Variants in PDE3A observed in about 807,000 individuals in gnomAD.
The protein encoded by PDE3A is phosphodiesterase 3A, also known as cGMP-inhibited 3',5'-cyclic phosphodiesterase 3A.
PDE3A carries 43 observed loss-of-function variants against 98.3 expected under a neutral mutation model. That is an observed-to-expected ratio of 0.44 (90% CI 0.34 to 0.56). The LOEUF is 0.56. Among genes scored for constraint, PDE3A ranks in the 20% least tolerant of loss-of-function variants. PDE3A has a pLI of 0.01. For missense variants in PDE3A, 1,427 were observed against 1,440.7 expected, an observed-to-expected ratio of 0.99 and a Z score of 0.15; for synonymous variants, 663 against 567.9, an observed-to-expected ratio of 1.17 and a Z score of -2.38.
intron 1 of PDE3A, among the ~76,000 whole-genome samples, chr12:20,499,524 A>G (rs1376081538): frequency 1.3e-5 from 2 of 152,200 alleles, no homozygotes; most frequent in Admixed American, 1.3e-4. Context: ...GTTAGTATTC[A>G]TATAATTAGA....
rs1017219232 is a variant in PDE3A, at chr12:20,687,562, A to G, written c.*7291A>G. 6.6e-6 allele frequency among the ~76,000 whole-genome samples: 1 copy of G among 152,046 alleles called. No homozygotes were observed. The highest frequency in any genetic ancestry group is 2.4e-5 in the African/African-American group (1 of 41,432). ...AATGTATTCTCACAGAAGAATGCAT[A>G]CCATTTTTGTTCCAACAAGAACAAT... On this transcript the variant is annotated 3_prime_UTR_variant, in exon 16 of 16. Coordinates refer to ENST00000359062, the MANE Select transcript of PDE3A (RefSeq NM_000921.5).
At chr12:20,659,679 C>T (rs1315815944) in intron 15 of PDE3A, among the ~76,000 whole-genome samples, 1 of 152,102 alleles carries the variant, frequency 6.6e-6, no homozygotes, top group African/African-American at 2.4e-5. Context: ...TCAAGTGATC[C>T]TCTTGCTTCA....
chr12:20,573,578 G>C (rs1243875829), intron 2 of PDE3A, among the ~76,000 whole-genome samples: 1 of 151,962 alleles, frequency 6.6e-6, no homozygotes, highest in Non-Finnish European at 1.5e-5. Context: ...AGGTAAGACT[G>C]TTCTAATTTG....
chr12:20,618,883 A>G (rs540537386), intron 4 of PDE3A, among the ~76,000 whole-genome samples: 4 of 152,256 alleles, frequency 2.6e-5, no homozygotes, highest in South Asian at 4.1e-4. Flanking sequence ...TTAAGGACTT[A>G]GAATGGAGTC....
chr12:20,388,445 A>C (rs1425082131), intron 1 of PDE3A, among the ~76,000 whole-genome samples: 2 of 152,024 alleles, frequency 1.3e-5, no homozygotes, highest in Non-Finnish European at 2.9e-5. Flanking sequence ...TTCAGTTTTT[A>C]CCAAGGCTTT....
At chr12:20,431,475 G>A in intron 1 of PDE3A, among the ~76,000 whole-genome samples, 1 of 152,136 alleles carries the variant, frequency 6.6e-6, no homozygotes, top group East Asian at 1.9e-4. Flanking sequence ...CTGCCTTTCT[G>A]AGAATGGTCC....
intron 1 of PDE3A, among the ~76,000 whole-genome samples, chr12:20,448,255 C>T (rs993585877): frequency 6.6e-6 from 1 of 152,128 alleles, no homozygotes; most frequent in Middle Eastern, 3.2e-3. Flanking sequence ...GCCTGGCCAA[C>T]TTGGTGAAAC....
At position 20,386,069 on chromosome 12, in the gene PDE3A, TA is replaced by T. The variant is rs35614885; in HGVS notation, c.960+15829del. On this transcript the variant is annotated intron_variant, in intron 1 of 15. Transcript: ENST00000359062. ...ATATATAAATATATATAAATATATA[TA>T]AAATATATATAAATATATAAATATA... Among the ~76,000 whole-genome samples the T allele has an allele frequency of 8.7e-3, 104 of 11,988 alleles. 1 individual carries two copies. Among genetic ancestry groups the T allele is most frequent in the East Asian group, 0.048 (7 of 146 alleles). 7.9% of individuals were successfully genotyped at this position (11,988 alleles called of 152,430 possible).
At chr12:20,442,593 G>T (rs1944887190) in intron 1 of PDE3A, among the ~76,000 whole-genome samples, 1 of 152,160 alleles carries the variant, frequency 6.6e-6, no homozygotes, top group South Asian at 2.1e-4. Flanking sequence ...CTGAAAGTGG[G>T]AGACGCACGG....
intron 1 of PDE3A, among the ~76,000 whole-genome samples, chr12:20,385,039 G>A (rs1054840099): frequency 6.6e-6 from 1 of 152,008 alleles, no homozygotes; most frequent in Non-Finnish European, 1.5e-5. Flanking sequence ...TCCTTTGGGT[G>A]TATTCCCAGT....
At chr12:20,433,889 G>A (rs1476839742) in intron 1 of PDE3A, among the ~76,000 whole-genome samples, 1 of 151,950 alleles carries the variant, frequency 6.6e-6, no homozygotes, top group Non-Finnish European at 1.5e-5. Context: ...ATTCCTACAT[G>A]GTCCCAGTGT....
intron 1 of PDE3A, among the ~76,000 whole-genome samples, chr12:20,472,554 G>C (rs1009392633): frequency 1.4e-5 from 2 of 147,950 alleles, no homozygotes; most frequent in African/African-American, 5.0e-5. Context: ...TCTGAATCTA[G>C]TCATCCCTCA....
intron 1 of PDE3A, among the ~76,000 whole-genome samples, chr12:20,427,620 A>T (rs1944622436): frequency 6.6e-6 from 1 of 152,160 alleles, no homozygotes; most frequent in Non-Finnish European, 1.5e-5. Context: ...TGTATAACTG[A>T]TTTGAAAAAG....
At position 20,685,409 on chromosome 12, in the gene PDE3A, CAAAAAAAAA is replaced by C. The variant is rs71442269; in HGVS notation, c.*5153_*5161del. ...GGGCAACAGGAGTTAAATTTTGCCT[CAAAAAAAAA>C]AAAAAAAAAAAAAAGAACATTTTTT... is the stretch of plus-strand genomic sequence containing the variant. On this transcript the variant is annotated 3_prime_UTR_variant, in exon 16 of 16. Transcript: ENST00000359062. 1.4e-5 allele frequency among the ~76,000 whole-genome samples: 1 copy of C among 73,800 alleles called. No individual in the cohort carries two copies. The highest frequency in any genetic ancestry group is 6.0e-5 in the African/African-American group (1 of 16,552). The allele number at this position is 73,800 out of a possible 152,430, so 48.4% of individuals were successfully genotyped here. A position where few individuals can be genotyped will look rare whatever the true frequency, so the allele number is the denominator to read the frequency against.
At chr12:20,476,205 G>A (rs1484214737) in intron 1 of PDE3A, among the ~76,000 whole-genome samples, 4 of 152,158 alleles carry the variant, frequency 2.6e-5, no homozygotes, top group Non-Finnish European at 5.9e-5. Flanking sequence ...CAGGAGTAGA[G>A]CATTGCTATT....
At chr12:20,547,495 C>T (rs1044578942) in intron 1 of PDE3A, among the ~76,000 whole-genome samples, 1 of 152,110 alleles carries the variant, frequency 6.6e-6, no homozygotes, top group Non-Finnish European at 1.5e-5. Flanking sequence ...CCTTTACATC[C>T]TTATATGTAT....
intron 1 of PDE3A, among the ~76,000 whole-genome samples, chr12:20,413,115 G>A (rs1944363825): frequency 6.6e-6 from 1 of 152,174 alleles, no homozygotes; most frequent in Non-Finnish European, 1.5e-5. Flanking sequence ...GTAATGACAA[G>A]TACATGAATA....
intron 15 of PDE3A, among the ~76,000 whole-genome samples, chr12:20,663,793 C>G (rs895991774): frequency 3.3e-5 from 5 of 152,042 alleles, no homozygotes; most frequent in Admixed American, 6.6e-5. Context: ...TGGGTTAATG[C>G]TGGAATGAGT....
At chr12:20,498,274 AC>A (rs137958615) in intron 1 of PDE3A, among the ~76,000 whole-genome samples, 5 of 151,204 alleles carry the variant, frequency 3.3e-5, no homozygotes, top group Non-Finnish European at 7.4e-5. Context: ...TATACCGCCC[AC>A]CCCCCCAACT....
Sources: gnomAD v4.1 joint callset for allele counts (sites outside exome capture counted in the v4.1 genomes callset) on GRCh38, gnomAD v4.1.1 for gene constraint, MANE v1.5 for transcripts, NCBI Gene and HGNC (gene_info 2026-07-23, HGNC 2026-07-21) for gene names.